Variants in ERBIN observed in about 807,000 individuals in gnomAD.
ERBIN encodes densin-180-like protein.
A neutral mutation model predicts 158.4 loss-of-function variants in ERBIN; 60 were observed. The observed-to-expected ratio is 0.38, with a 90% CI of 0.31 to 0.47. The LOEUF (loss-of-function observed/expected upper bound fraction) is 0.47. Ranked by LOEUF, ERBIN falls within the 20% of genes least tolerant of loss-of-function variation. The pLI is 0.99. For missense variants in ERBIN, 1,610 were observed against 1,648.0 expected (o/e 0.98, Z 0.40); for synonymous variants, 594 against 557.2 (o/e 1.07, Z -0.93).
At chr5:66,017,300 A>T (rs184384515) in intron 7 of ERBIN, among the ~76,000 whole-genome samples, 9 of 152,180 alleles carry the variant, frequency 5.9e-5, no homozygotes, top group Admixed American at 1.3e-4. Context: ...ATATTAATTT[A>T]TATTCCCACC....
At chr5:65,937,934 G>A (rs1744292720) in intron 1 of ERBIN, among the ~76,000 whole-genome samples, 1 of 152,004 alleles carries the variant, frequency 6.6e-6, no homozygotes, top group Admixed American at 6.6e-5. Context: ...ATAATTCTTG[G>A]TGGTATGTTG....
chr5:65,971,941 C>T (rs538533648), intron 1 of ERBIN, among the ~76,000 whole-genome samples: 178 of 152,308 alleles, frequency 1.2e-3, no homozygotes, highest in Non-Finnish European at 2.1e-3. Context: ...GAATAGCTCT[C>T]ACAACAGGGC....
At chr5:65,973,232 A>G (rs1029292485) in intron 1 of ERBIN, among the ~76,000 whole-genome samples, 1 of 150,424 alleles carries the variant, frequency 6.6e-6, no homozygotes, top group African/African-American at 2.5e-5. Context: ...GAAGGGGAAC[A>G]TCACACACTG....
chr5:65,964,151 T>A (rs1487496628), intron 1 of ERBIN, among the ~76,000 whole-genome samples: 1 of 152,178 alleles, frequency 6.6e-6, no homozygotes, highest in Non-Finnish European at 1.5e-5. Flanking sequence ...AACTCTAGTA[T>A]TAGATGGATT....
intron 1 of ERBIN, among the ~76,000 whole-genome samples, chr5:65,940,075 C>T (rs1157364839): frequency 6.7e-6 from 1 of 148,512 alleles, no homozygotes; most frequent in African/African-American, 2.5e-5. Context: ...CGTCTCTGCC[C>T]GGCCGCCATC....
At chr5:65,939,366 G>A (rs974800518) in intron 1 of ERBIN, among the ~76,000 whole-genome samples, 1 of 152,134 alleles carries the variant, frequency 6.6e-6, no homozygotes, top group Non-Finnish European at 1.5e-5. Context: ...GAACCCGGGG[G>A]GCAGAGGTTG....
Position 66,078,414 on chromosome 5 carries a change from C to G in ERBIN, c.4132-9C>G, listed in dbSNP as rs74568321. ...AATGTTTTTCCTAAAAGCATTTTTC[C>G]TCTTCTAGGCTAATGGCTACAGTTT... On this transcript the variant is annotated splice_polypyrimidine_tract_variant and intron_variant, in intron 25 of 25. Coordinates refer to ENST00000284037, the MANE Select transcript of ERBIN (RefSeq NM_001253697.2). 10 of 1,526,650 alleles carry G rather than the reference C, an allele frequency of 6.6e-6. No individual in the cohort carries two copies. Among genetic ancestry groups the G allele is most frequent in the African/African-American group, 1.4e-5 (1 of 70,202 alleles). The allele number at this position is 1,526,650 out of a possible 1,614,324, so 94.6% of individuals were successfully genotyped here. A position where few individuals can be genotyped will look rare whatever the true frequency, so the allele number is the denominator to read the frequency against.
intron 1 of ERBIN, among the ~76,000 whole-genome samples, chr5:65,965,379 G>GTTTTTTTTTTTTTTTTTTTTTTTTTT (rs1561304820): frequency 9.6e-6 from 1 of 103,652 alleles, no homozygotes; most frequent in East Asian, 4.8e-4. Flanking sequence ...TTTGTTTTTT[G>GTTTTTTTTTTTTTTTTTTTTTTTTTT]TTGTTTTTTT....
intron 1 of ERBIN, among the ~76,000 whole-genome samples, chr5:65,955,491 A>G (rs1746999605): frequency 3.9e-5 from 6 of 152,128 alleles, no homozygotes. Context: ...TTAGCTGGGC[A>G]TGGTGGCGGG....
Position 66,072,361 on chromosome 5 carries a change from T to C in ERBIN, c.3756+70T>C. On this transcript the variant is annotated intron_variant, in intron 22 of 25. Transcript: ENST00000284037. ...TATTTTGCAGCTTTTGGACTAGATA[T>C]TATATGTGCTTTAGATGAAAATACT... 4 of 1,454,324 alleles carry C rather than the reference T, an allele frequency of 2.8e-6. No homozygotes were observed. The South Asian group carries it at 4.3e-5, about 16-fold the overall frequency. 90.1% of individuals were successfully genotyped at this position (1,454,324 alleles called of 1,614,324 possible).
At chr5:65,964,386 T>C (rs1489690257) in intron 1 of ERBIN, among the ~76,000 whole-genome samples, 1 of 152,200 alleles carries the variant, frequency 6.6e-6, no homozygotes, top group Non-Finnish European at 1.5e-5. Context: ...TGGAATCACC[T>C]GGAGAGCTCA....
At chr5:65,930,049 A>G (rs1207465423) in intron 1 of ERBIN, among the ~76,000 whole-genome samples, 1 of 152,116 alleles carries the variant, frequency 6.6e-6, no homozygotes, top group African/African-American at 2.4e-5. Flanking sequence ...TGATTCCCTT[A>G]GCTTCCTATA....
At chr5:66,019,470 C>G (rs74775838) in intron 7 of ERBIN, among the ~76,000 whole-genome samples, 2,038 of 152,162 alleles carry the variant, frequency 0.013, 24 homozygotes, top group South Asian at 0.044. Flanking sequence ...ATTTTAGAAA[C>G]AGATGGGAGA....
intron 20 of ERBIN, 138 bp downstream of exon 20, chr5:66,051,104 A>T (rs1758976676): frequency 1.8e-6 from 1 of 541,026 alleles, no homozygotes; most frequent in Admixed American, 4.1e-5. Flanking sequence ...CCCCATTTTT[A>T]TTGCTGATTT....
intron 9 of ERBIN, among the ~76,000 whole-genome samples, chr5:66,023,842 A>AT (rs886145392): frequency 1.3e-4 from 20 of 151,086 alleles, no homozygotes; most frequent in Admixed American, 7.3e-4. Flanking sequence ...TGCCCAGCTA[A>AT]TTTTTTTTTA....
At chr5:66,012,851 C>T (rs1238522508) in intron 5 of ERBIN, among the ~76,000 whole-genome samples, 1 of 152,120 alleles carries the variant, frequency 6.6e-6, no homozygotes, top group Admixed American at 6.5e-5. Flanking sequence ...GTTACATGGC[C>T]CTAACGTCAT....
intron 18 of ERBIN, among the ~76,000 whole-genome samples, chr5:66,047,546 C>G (rs1758568905): frequency 6.6e-6 from 1 of 151,934 alleles, no homozygotes; most frequent in Non-Finnish European, 1.5e-5. Flanking sequence ...GAAGCTGTAA[C>G]TTTTTAATAT....
rs1752242838 is a variant in ERBIN at position 65,994,812 on chromosome 5, A to G, written c.255A>G (p.Pro85=). ...SLPDNDLTTL[P]ASIANLINLR... ...CAGACAATGATTTAACAACGTTACC[A>G]GCATCCATTGCAAACCTTATTAATC... Residue 85 remains proline (P), a synonymous_variant, in exon 4 of 26, where the codon CCA becomes CCG. Transcript: ENST00000284037. 2 of 1,609,302 alleles carry G rather than the reference A, an allele frequency of 1.2e-6. No individual in the cohort carries two copies. Among genetic ancestry groups the G allele is most frequent in the Non-Finnish European group, 1.7e-6 (2 of 1,178,708 alleles).
chr5:65,936,778 T>A (rs1432451175), intron 1 of ERBIN, among the ~76,000 whole-genome samples: 1 of 152,146 alleles, frequency 6.6e-6, no homozygotes, highest in East Asian at 1.9e-4. Context: ...AACATAGAAA[T>A]ATAGAACATA....
Sources: gnomAD v4.1 joint callset for allele counts (sites outside exome capture counted in the v4.1 genomes callset) on GRCh38, gnomAD v4.1.1 for gene constraint, MANE v1.5 for transcripts, NCBI Gene and HGNC (gene_info 2026-07-23, HGNC 2026-07-21) for gene names.